DTNB: variants seen among roughly 807,000 people sequenced by gnomAD.
The protein encoded by DTNB is DTN-B.
Under a neutral mutation model 90.7 loss-of-function variants are expected in DTNB, and 63 were observed. That is an observed-to-expected ratio of 0.69 (90% CI 0.57 to 0.86). The LOEUF is 0.86. Among genes scored for constraint, DTNB ranks in the 40% least tolerant of loss-of-function variants. DTNB has a pLI of 0.00. For missense variants in DTNB, 744 were observed against 807.1 expected, an observed-to-expected ratio of 0.92 and a Z score of 0.95; for synonymous variants, 277 against 286.7, an observed-to-expected ratio of 0.97 and a Z score of 0.34.
In DTNB at chr2:25,558,566, A is replaced by G. The variant is rs76517311; in HGVS notation, c.876+18272T>C. 9.8e-3 allele frequency among the ~76,000 whole-genome samples: 1,488 copies of G among 152,358 alleles called. 24 individuals are homozygous for G. Among genetic ancestry groups the G allele is most frequent in the African/African-American group, 0.034 (1,415 of 41,572 alleles). On this transcript the variant is annotated intron_variant, in intron 8 of 20. Coordinates refer to ENST00000406818, the MANE Select transcript of DTNB (RefSeq NM_021907.5). The stretch of plus-strand genomic sequence containing the variant: ...CCTTGTCATCGCTCTAAGAATAATC[A>G]GGCTACAGTTGAAAAAATGCCTTAT...
chr2:25,586,060 A>G (rs1398434501), intron 6 of DTNB, among the ~76,000 whole-genome samples: 3 of 152,156 alleles, frequency 2.0e-5, no homozygotes, highest in African/African-American at 7.3e-5. Flanking sequence ...CTGAAATACT[A>G]TATTTCTCTC....
At position 25,526,372 on chromosome 2, in the gene DTNB, T is replaced by A. The variant is rs868746278; in HGVS notation, c.1001+5101A>T. 1.6e-4 allele frequency among the ~76,000 whole-genome samples: 10 copies of A among 62,386 alleles called. No homozygotes were observed. In the South Asian group the frequency reaches 2.3e-3, roughly 14 times the overall value. 40.9% of individuals were successfully genotyped at this position (62,386 alleles called of 152,430 possible). On this transcript the variant is annotated intron_variant, in intron 9 of 20. Coordinates refer to ENST00000406818, the MANE Select transcript of DTNB (RefSeq NM_021907.5). ...TTATAAATATATATAAATATATATA[T>A]ATATATATATATATATATATATATT... is the stretch of plus-strand genomic sequence containing the variant.
intron 1 of DTNB, among the ~76,000 whole-genome samples, chr2:25,656,026 A>AG (rs1481509637): frequency 2.0e-5 from 3 of 152,156 alleles, no homozygotes; most frequent in Non-Finnish European, 4.4e-5. Context: ...CTTGAAAACA[A>AG]ATCTCGTATT....
chr2:25,642,086 C>CT (rs2078452959), intron 2 of DTNB, among the ~76,000 whole-genome samples: 1 of 152,190 alleles, frequency 6.6e-6, no homozygotes, highest in African/African-American at 2.4e-5. Context: ...TCCCAAAGTG[C>CT]TGGGATTACA....
At chr2:25,397,121 T>C (rs1423216454) in intron 16 of DTNB, among the ~76,000 whole-genome samples, 1 of 148,196 alleles carries the variant, frequency 6.7e-6, no homozygotes, top group Non-Finnish European at 1.5e-5. Flanking sequence ...CCTAGGTATA[T>C]ATCCATGAGA....
At chr2:25,530,837 C>A (rs1222067199) in intron 9 of DTNB, among the ~76,000 whole-genome samples, 2 of 152,180 alleles carry the variant, frequency 1.3e-5, no homozygotes, top group African/African-American at 4.8e-5. Flanking sequence ...ATAGTATCAT[C>A]ATTTAATTCA....
intron 5 of DTNB, among the ~76,000 whole-genome samples, chr2:25,604,182 C>G (rs570776134): frequency 6.6e-6 from 1 of 152,022 alleles, no homozygotes; most frequent in East Asian, 1.9e-4. Flanking sequence ...CAAACCACTG[C>G]CGCCACCACC....
intron 1 of DTNB, among the ~76,000 whole-genome samples, chr2:25,665,875 A>T (rs2084319005): frequency 6.6e-6 from 1 of 152,172 alleles, no homozygotes; most frequent in South Asian, 2.1e-4. Context: ...CCAATAAAAA[A>T]ATTCAGTAAC....
At chr2:25,600,198 C>T (rs556001359) in intron 5 of DTNB, among the ~76,000 whole-genome samples, 1 of 152,344 alleles carries the variant, frequency 6.6e-6, no homozygotes, top group South Asian at 2.1e-4. Context: ...CAGACACTGC[C>T]AGGTGCCTCA....
intron 6 of DTNB, among the ~76,000 whole-genome samples, chr2:25,586,224 C>T (rs899827181): frequency 6.6e-5 from 10 of 151,968 alleles, no homozygotes; most frequent in African/African-American, 1.9e-4. Flanking sequence ...TCATTAAGCA[C>T]GGGCGGCCAG....
intron 8 of DTNB, among the ~76,000 whole-genome samples, chr2:25,535,840 G>GAT (rs2079556482): frequency 6.8e-6 from 1 of 147,082 alleles, no homozygotes. Context: ...CCTCCCAAAC[G>GAT]GGGCGGCCGG....
chr2:25,488,016 G>T (rs568802521), intron 9 of DTNB, among the ~76,000 whole-genome samples: 73 of 152,284 alleles, frequency 4.8e-4, no homozygotes, highest in African/African-American at 1.6e-3. Context: ...GCGTGCATGG[G>T]AATCCTCTGA....
rs114320260 is a variant in DTNB, at chr2:25,474,796, T to C, written c.1079+8000A>G. On this transcript the variant is annotated intron_variant, in intron 10 of 20. Coordinates refer to ENST00000406818, the MANE Select transcript of DTNB (RefSeq NM_021907.5). ...AGCATGTGCTCACTTGGTGTCTCTG[T>C]GCCACATTTTGGTAATTCTGGCAAT... is the stretch of plus-strand genomic sequence containing the variant. Among the ~76,000 whole-genome samples, 744 of 152,318 alleles carry C rather than the reference T, an allele frequency of 4.9e-3. 4 individuals are homozygous for C. Among genetic ancestry groups the C allele is most frequent in the African/African-American group, 0.016 (661 of 41,566 alleles).
At chr2:25,565,225 G>A (rs2058840555) in intron 8 of DTNB, among the ~76,000 whole-genome samples, 1 of 151,990 alleles carries the variant, frequency 6.6e-6, no homozygotes, top group Non-Finnish European at 1.5e-5. Flanking sequence ...TATTAAGTAT[G>A]ATGTTAACTG....
chr2:25,551,665 G>A (rs1203890172), intron 8 of DTNB, among the ~76,000 whole-genome samples: 1 of 152,212 alleles, frequency 6.6e-6, no homozygotes, highest in Non-Finnish European at 1.5e-5. Flanking sequence ...TCTGGAAAGG[G>A]AATTTATTAA....
chr2:25,490,544 G>A (rs1181978455), intron 9 of DTNB, among the ~76,000 whole-genome samples: 1 of 151,988 alleles, frequency 6.6e-6, no homozygotes, highest in Non-Finnish European at 1.5e-5. Flanking sequence ...TGCACAAAGA[G>A]ATTTATATTA....
At chr2:25,620,039 CA>C (rs934901310) in intron 4 of DTNB, among the ~76,000 whole-genome samples, 1 of 149,272 alleles carries the variant, frequency 6.7e-6, no homozygotes, top group Non-Finnish European at 1.5e-5. Context: ...GACTCTGTCT[CA>C]AAAAAAATAA....
At chr2:25,405,605 G>A (rs372494136) in intron 16 of DTNB, among the ~76,000 whole-genome samples, 1 of 150,512 alleles carries the variant, frequency 6.6e-6, no homozygotes, top group Non-Finnish European at 1.5e-5. Flanking sequence ...TTGTTTTGTT[G>A]TTGTTTTTTT....
chr2:25,589,367 C>CTTTTTTTTTTTTTTTTTTTTTTTTTTTTT (rs1169808182), intron 6 of DTNB, among the ~76,000 whole-genome samples: 3 of 57,556 alleles, frequency 5.2e-5, no homozygotes, highest in Middle Eastern at 0.013. Flanking sequence ...TTTTTCTTTT[C>CTTTTTTTTTTTTTTTTTTTTTTTTTTTTT]TTTTTTTTTT....
Sources: allele counts gnomAD v4.1 joint callset (sites outside exome capture counted in the v4.1 genomes callset), GRCh38; gene constraint gnomAD v4.1.1; transcripts MANE v1.5; gene names NCBI Gene and HGNC (gene_info 2026-07-23, HGNC 2026-07-21).